Variants in LIMS1 observed in about 807,000 individuals in gnomAD.
The protein encoded by LIMS1 is LIM and senescent cell antigen-like-containing domain protein 1.
Under a neutral mutation model 44.1 loss-of-function variants are expected in LIMS1, and 18 were observed. The observed-to-expected ratio is 0.41, with a 90% CI of 0.28 to 0.61. The LOEUF is 0.61. Ranked by LOEUF, LIMS1 falls within the 20% of genes least tolerant of loss-of-function variation. The pLI is 0.32. For missense variants in LIMS1, 201 were observed against 422.0 expected, an observed-to-expected ratio of 0.48 and a Z score of 4.59; for synonymous variants, 93 against 149.1, an observed-to-expected ratio of 0.62 and a Z score of 2.74.
chr2:108,624,253 T>G (rs1558814947), intron 1 of LIMS1, among the ~76,000 whole-genome samples: 2 of 152,228 alleles, frequency 1.3e-5, no homozygotes, highest in South Asian at 4.1e-4. Flanking sequence ...CACTTACTCC[T>G]TTAGCTATTC....
intron 1 of LIMS1, among the ~76,000 whole-genome samples, chr2:108,648,610 G>A (rs1156441549): frequency 2.0e-5 from 3 of 152,180 alleles, no homozygotes; most frequent in Admixed American, 1.3e-4. Flanking sequence ...TACAAAAACA[G>A]CATGGTACTT....
chr2:108,587,290 T>TTGTG (rs58815332), intron 1 of LIMS1, among the ~76,000 whole-genome samples: 6,458 of 105,358 alleles, frequency 0.061, 143 homozygotes, highest in Non-Finnish European at 0.073. Context: ...TTCTTGGGGT[T>TTGTG]TGTGTGTGTG....
At position 108,587,657 on chromosome 2, in the gene LIMS1, A is replaced by G. The variant is rs185616186; in HGVS notation, c.32+53063A>G. ...AATTCAGGCAAGGACACCCTCATTC[A>G]TGGAAGGGGAAGGCTGAATTAATTG... On this transcript the variant is annotated intron_variant, in intron 1 of 9. Transcript: ENST00000544547. 4.4e-3 allele frequency among the ~76,000 whole-genome samples: 670 copies of G among 152,274 alleles called. 4 individuals are homozygous for G. Among genetic ancestry groups the G allele is most frequent in the South Asian group, 0.014 (68 of 4,818 alleles).
intron 1 of LIMS1, among the ~76,000 whole-genome samples, chr2:108,637,379 C>A (rs1164465223): frequency 6.6e-6 from 1 of 152,124 alleles, no homozygotes; most frequent in Non-Finnish European, 1.5e-5. Context: ...GGGAAGTAAA[C>A]CCCGTGTTAA....
chr2:108,616,323 C>T (rs1170321240), intron 1 of LIMS1, among the ~76,000 whole-genome samples: 3 of 151,670 alleles, frequency 2.0e-5, no homozygotes, highest in Non-Finnish European at 2.9e-5. Flanking sequence ...ATGATCCCCC[C>T]ATCTCAGTCT....
intron 1 of LIMS1, among the ~76,000 whole-genome samples, chr2:108,650,954 T>C (rs1455517455): frequency 6.6e-6 from 1 of 152,136 alleles, no homozygotes; most frequent in African/African-American, 2.4e-5. Context: ...TATTGCATCA[T>C]GGGCTCATAG....
intron 1 of LIMS1, among the ~76,000 whole-genome samples, chr2:108,610,993 A>C (rs1439699384): frequency 6.6e-6 from 1 of 152,050 alleles, no homozygotes; most frequent in Admixed American, 6.6e-5. Context: ...TTTCTATGCC[A>C]TCAATCAGTC....
intron 1 of LIMS1, among the ~76,000 whole-genome samples, chr2:108,609,771 C>G (rs1687484945): frequency 6.6e-6 from 1 of 152,190 alleles, no homozygotes; most frequent in South Asian, 2.1e-4. Context: ...CACACATATA[C>G]AGCAGTGTAT....
intron 1 of LIMS1, chr2:108,621,550 G>C: frequency 1.1e-6 from 1 of 918,212 alleles, no homozygotes; most frequent in Non-Finnish European, 1.7e-6. Context: ...TGCAGCGTTG[G>C]GAAGTACTCA....
intron 2 of LIMS1, 35 bp downstream of exon 2, chr2:108,659,799 T>C: frequency 1.2e-6 from 2 of 1,612,170 alleles, no homozygotes; most frequent in Non-Finnish European, 1.7e-6. Context: ...GGAGGTGCCA[T>C]TCCCCGCCCT....
At chr2:108,534,299 C>T (rs1204312133), upstream of LIMS1, 3 of 193,574 alleles carry the variant, frequency 1.5e-5, no homozygotes, top group African/African-American at 7.1e-5. Context: ...CCGCGCCTAC[C>T]TCTCCAGTCC....
At chr2:108,571,806 A>C (rs1685489002) in intron 1 of LIMS1, among the ~76,000 whole-genome samples, 1 of 152,188 alleles carries the variant, frequency 6.6e-6, no homozygotes, top group African/African-American at 2.4e-5. Context: ...AGATGGGGAC[A>C]TGGGCTTAAT....
chr2:108,537,115 C>T (rs1558777860), intron 1 of LIMS1, among the ~76,000 whole-genome samples: 1 of 152,120 alleles, frequency 6.6e-6, no homozygotes, highest in Non-Finnish European at 1.5e-5. Flanking sequence ...TAGTGCTAAG[C>T]GGCCAGCAGT....
intron 8 of LIMS1, among the ~76,000 whole-genome samples, chr2:108,679,099 A>G (rs1244188582): frequency 6.6e-6 from 1 of 152,174 alleles, no homozygotes; most frequent in Non-Finnish European, 1.5e-5. Context: ...TAACAATATA[A>G]CAGTACAAAT....
chr2:108,584,463 T>C (rs1377131825), intron 1 of LIMS1, among the ~76,000 whole-genome samples: 1 of 151,962 alleles, frequency 6.6e-6, no homozygotes, highest in African/African-American at 2.4e-5. Context: ...GCCCCTCCTA[T>C]AGGCCTCAGT....
Position 108,637,099 on chromosome 2 carries a change from ATGTGTGTGTGTGTGTGTGTGTG to A in LIMS1, c.33-22480_33-22459del, listed in dbSNP as rs74315160. On this transcript the variant is annotated intron_variant, in intron 1 of 9. Coordinates refer to ENST00000544547, the Ensembl canonical transcript of LIMS1. Reference sequence around the variant, plus strand: ...TTTAAATTCAGCAAAATATACATATATGTGTGTGTGTGTGTGTGTGTGTGTGTGTGTGTGTGTGTGTGTGTGT... The same window carrying A: ...TTTAAATTCAGCAAAATATACATATATGTGTGTGTGTGTGTGTGTGTGTGT... 9.1e-5 allele frequency among the ~76,000 whole-genome samples: 9 copies of A among 98,606 alleles called. No homozygotes were observed. In the East Asian group the frequency reaches 5.1e-3, roughly 56 times the overall value. 64.7% of individuals were successfully genotyped at this position (98,606 alleles called of 152,430 possible). A position where few individuals can be genotyped will look rare whatever the true frequency, so the allele number is the denominator to read the frequency against.
intron 1 of LIMS1, among the ~76,000 whole-genome samples, chr2:108,644,735 G>A (rs1454867654): frequency 6.6e-6 from 1 of 151,994 alleles, no homozygotes; most frequent in African/African-American, 2.4e-5. Flanking sequence ...CCAATGCAAG[G>A]AAGTTAAGAA....
At chr2:108,564,129 T>C (rs1224833088) in intron 1 of LIMS1, among the ~76,000 whole-genome samples, 2 of 151,860 alleles carry the variant, frequency 1.3e-5, no homozygotes, top group Non-Finnish European at 2.9e-5. Flanking sequence ...ACCCCAGGCT[T>C]CAGCAGCCAC....
chr2:108,586,171 G>C (rs1344595150), intron 1 of LIMS1, among the ~76,000 whole-genome samples: 3 of 151,920 alleles, frequency 2.0e-5, no homozygotes, highest in African/African-American at 7.3e-5. Flanking sequence ...CAGCCTGGAC[G>C]ACAGAGCGAG....
Sources: gnomAD v4.1 joint callset for allele counts (sites outside exome capture counted in the v4.1 genomes callset) on GRCh38, gnomAD v4.1.1 for gene constraint, MANE v1.5 for transcripts, NCBI Gene and HGNC (gene_info 2026-07-23, HGNC 2026-07-21) for gene names.